ADARB2: variants seen among roughly 807,000 people sequenced by gnomAD.
ADARB2 encodes inactive double-stranded RNA-specific editase B2.
ADARB2 carries 25 observed loss-of-function variants against 62.2 expected under a neutral mutation model. The observed-to-expected ratio is 0.40, with a 90% CI of 0.29 to 0.56. The LOEUF (loss-of-function observed/expected upper bound fraction) is 0.56. Among genes scored for constraint, ADARB2 ranks in the 20% least tolerant of loss-of-function variants. The pLI, the probability that ADARB2 is intolerant of heterozygous loss-of-function variation, is 0.43. For synonymous variants in ADARB2, 572 were observed against 500.8 expected (o/e 1.14, Z -1.90); for missense variants, 1,071 against 1,077.4 (o/e 0.99, Z 0.08).
chr10:1,439,485 G>A (rs1357517176), intron 1 of ADARB2, among the ~76,000 whole-genome samples: 1 of 139,458 alleles, frequency 7.2e-6, no homozygotes, highest in Non-Finnish European at 1.6e-5. Context: ...TCACTACGGG[G>A]CTTCTGAGTC....
chr10:1,208,011 G>A (rs541420408), intron 7 of ADARB2, among the ~76,000 whole-genome samples: 32 of 152,292 alleles, frequency 2.1e-4, no homozygotes, highest in African/African-American at 7.2e-4. Flanking sequence ...TGCGGTGTCC[G>A]ACCCTCTTCC....
intron 7 of ADARB2, among the ~76,000 whole-genome samples, chr10:1,205,065 C>T (rs1837034132): frequency 6.6e-6 from 1 of 152,146 alleles, no homozygotes. Flanking sequence ...CTCCTGGGTT[C>T]TCCCTTAGGT....
intron 1 of ADARB2, among the ~76,000 whole-genome samples, chr10:1,474,352 T>G (rs1371294664): frequency 6.6e-6 from 1 of 152,104 alleles, no homozygotes; most frequent in Non-Finnish European, 1.5e-5. Flanking sequence ...GGGGATGAGC[T>G]TCCATGATGG....
At chr10:1,467,161 C>T (rs1831264476) in intron 1 of ADARB2, among the ~76,000 whole-genome samples, 1 of 152,172 alleles carries the variant, frequency 6.6e-6, no homozygotes, top group Non-Finnish European at 1.5e-5. Context: ...GCGATGCTTT[C>T]TATGTGAGCA....
intron 3 of ADARB2, among the ~76,000 whole-genome samples, chr10:1,338,808 A>G (rs996677740): frequency 1.3e-5 from 2 of 152,172 alleles, no homozygotes; most frequent in Non-Finnish European, 2.9e-5. Flanking sequence ...ACCAGGTTCC[A>G]GGTTCTGGAA....
chr10:1,706,079 C>T (rs751279963), intron 1 of ADARB2, among the ~76,000 whole-genome samples: 21 of 152,120 alleles, frequency 1.4e-4, no homozygotes, highest in African/African-American at 4.1e-4. Context: ...CAGTGAATGA[C>T]GGTAATGTGA....
intron 1 of ADARB2, among the ~76,000 whole-genome samples, chr10:1,416,686 C>A (rs536215462): frequency 6.6e-6 from 1 of 152,258 alleles, no homozygotes; most frequent in African/African-American, 2.4e-5. Context: ...TCCATCACCA[C>A]CCTTGTGGGG....
rs528587320 is a variant in ADARB2, at chr10:1,488,604, C to T, written c.101-109444G>A. Among the ~76,000 whole-genome samples the T allele has an allele frequency of 5.6e-4, 85 of 152,026 alleles. No homozygotes were observed. In the South Asian group the frequency reaches 0.016, roughly 28 times the overall value. On this transcript the variant is annotated intron_variant, in intron 1 of 9. Transcript: ENST00000381312. ...GATCAATGATCAATGATCAATGAGCCCTGCACCCCATGAAATAGCCTAACA... is the reference window on the plus strand; with the variant it reads ...GATCAATGATCAATGATCAATGAGCTCTGCACCCCATGAAATAGCCTAACA...
chr10:1,674,530 G>A (rs144446053), intron 1 of ADARB2, among the ~76,000 whole-genome samples: 1 of 152,180 alleles, frequency 6.6e-6, no homozygotes, highest in Non-Finnish European at 1.5e-5. Context: ...AAGTAGTCAC[G>A]ATCGTGATTT....
chr10:1,235,007 A>G (rs1564230351), intron 5 of ADARB2, among the ~76,000 whole-genome samples: 2 of 152,048 alleles, frequency 1.3e-5, no homozygotes, highest in African/African-American at 4.8e-5. Context: ...TTGGCCCCCC[A>G]AAGAGCTGGG....
chr10:1,718,785 T>C (rs1835053855), intron 1 of ADARB2, among the ~76,000 whole-genome samples: 1 of 152,152 alleles, frequency 6.6e-6, no homozygotes, highest in South Asian at 2.1e-4. Flanking sequence ...AGGCTCTGGC[T>C]TCCAGCTCCC....
At chr10:1,300,406 C>G (rs184806974) in intron 3 of ADARB2, among the ~76,000 whole-genome samples, 10 of 152,300 alleles carry the variant, frequency 6.6e-5, no homozygotes, top group Non-Finnish European at 1.3e-4. Context: ...CCACGCCCCC[C>G]ACACCACCTC....
chr10:1,184,741 C>T (rs554940418), intron 9 of ADARB2, 120 bp downstream of exon 9: 39 of 1,145,976 alleles, frequency 3.4e-5, no homozygotes, highest in African/African-American at 2.0e-4. Flanking sequence ...ATGTGATGGG[C>T]GCTGTGTCGT....
In ADARB2 at chr10:1,617,143, A is replaced by T. The variant is rs1366182842; in HGVS notation, c.100+119908T>A. ...AGACACACTCTGCACTGCCCTGCTG[A>T]GCTCTGCATCCTGGGAACTGGCCTC... On this transcript the variant is annotated intron_variant, in intron 1 of 9. Transcript: ENST00000381312. 1.2e-3 allele frequency among the ~76,000 whole-genome samples: 101 copies of T among 83,880 alleles called. 1 individual carries two copies. The highest frequency in any genetic ancestry group is 1.6e-3 in the African/African-American group (32 of 20,584). The allele number at this position is 83,880 out of a possible 152,430, so 55.0% of individuals were successfully genotyped here.
chr10:1,264,105 G>A (rs975230303), intron 4 of ADARB2, among the ~76,000 whole-genome samples: 1 of 152,030 alleles, frequency 6.6e-6, no homozygotes, highest in Non-Finnish European at 1.5e-5. Context: ...GACCCACAGA[G>A]ACACAGCATC....
chr10:1,644,082 C>A (rs1364954176), intron 1 of ADARB2, among the ~76,000 whole-genome samples: 1 of 152,166 alleles, frequency 6.6e-6, no homozygotes, highest in South Asian at 2.1e-4. Flanking sequence ...GCAGCTAATG[C>A]GGGGAGATGG....
At chr10:1,733,119 C>T (rs1377454785) in intron 1 of ADARB2, among the ~76,000 whole-genome samples, 2 of 152,222 alleles carry the variant, frequency 1.3e-5, no homozygotes, top group African/African-American at 2.4e-5. Context: ...CGACCGGCCC[C>T]GGATGATTGC....
At chr10:1,261,781 T>G (rs1207343590) in intron 4 of ADARB2, among the ~76,000 whole-genome samples, 5 of 150,210 alleles carry the variant, frequency 3.3e-5, no homozygotes, top group Non-Finnish European at 7.4e-5. Flanking sequence ...ACCCAGCCAT[T>G]CCATTACTGG....
chr10:1,414,301 A>C, intron 1 of ADARB2, among the ~76,000 whole-genome samples: 1 of 152,238 alleles, frequency 6.6e-6, no homozygotes, highest in East Asian at 1.9e-4. Flanking sequence ...GTCTTAGAAC[A>C]TGTCTGGTGG....
Sources: gnomAD v4.1 joint callset for allele counts (sites outside exome capture counted in the v4.1 genomes callset) on GRCh38, gnomAD v4.1.1 for gene constraint, MANE v1.5 for transcripts, NCBI Gene and HGNC (gene_info 2026-07-23, HGNC 2026-07-21) for gene names.